The following CAPZA1 variants were observed in gnomAD, a reference collection of about 807,000 sequenced individuals.
CAPZA1 encodes the protein F-actin-capping protein subunit alpha-1.
In CAPZA1, 10 loss-of-function variants were observed where a neutral mutation model predicts 40.8. The observed-to-expected ratio is 0.25, with a 90% CI of 0.15 to 0.42. The LOEUF is 0.42. Among genes scored for constraint, CAPZA1 ranks in the 10% least tolerant of loss-of-function variants. CAPZA1 has a pLI of 1.00. For missense variants in CAPZA1, 277 were observed against 353.8 expected (o/e 0.78, Z 1.74); for synonymous variants, 98 against 115.0 (o/e 0.85, Z 0.95).
chr1:112,636,118 T>A (rs1416725065), intron 1 of CAPZA1, among the ~76,000 whole-genome samples: 1 of 152,252 alleles, frequency 6.6e-6, no homozygotes, highest in Non-Finnish European at 1.5e-5. Context: ...TCTAATAAGC[T>A]ACAGTTTTAT....
intron 7 of CAPZA1, among the ~76,000 whole-genome samples, chr1:112,664,755 T>G (rs1192792271): frequency 6.6e-6 from 1 of 152,114 alleles, no homozygotes; most frequent in Non-Finnish European, 1.5e-5. Flanking sequence ...GCCAACATGG[T>G]GAAACCTCGT....
intron 1 of CAPZA1, among the ~76,000 whole-genome samples, chr1:112,621,246 A>G (rs1316946833): frequency 6.6e-6 from 1 of 152,152 alleles, no homozygotes; most frequent in Non-Finnish European, 1.5e-5. Flanking sequence ...GTTACTATTC[A>G]AATAAAATTA....
chr1:112,627,960 C>CA (rs888885594), intron 1 of CAPZA1, among the ~76,000 whole-genome samples: 128 of 143,754 alleles, frequency 8.9e-4, no homozygotes, highest in East Asian at 6.8e-3. Context: ...AACTCTGTCT[C>CA]AAAAAAAAAA....
chr1:112,649,583 G>T (rs1297228712), intron 3 of CAPZA1, 114 bp downstream of exon 3: 2 of 854,326 alleles, frequency 2.3e-6, no homozygotes, highest in Admixed American at 2.6e-5. Context: ...TAAAGCAGTT[G>T]GTTTTAGCAA....
At position 112,670,223 on chromosome 1, in the gene CAPZA1, A is replaced by G. The variant is rs1250670969; in HGVS notation, c.*91A>G. Reference sequence around the variant, plus strand: ...TAAGTGATTTATAAACAAGAGTGATATTTTGCTAGGGCTTTCAAAGTTAAC... The same window carrying G: ...TAAGTGATTTATAAACAAGAGTGATGTTTTGCTAGGGCTTTCAAAGTTAAC... On this transcript the variant is annotated 3_prime_UTR_variant, in exon 10 of 10. Coordinates refer to ENST00000263168, the MANE Select transcript of CAPZA1 (RefSeq NM_006135.3). 4.7e-6 allele frequency: 7 copies of G among 1,480,760 alleles called. No homozygotes were observed. The highest frequency in any genetic ancestry group is 6.5e-6 in the Non-Finnish European group (7 of 1,075,182). The allele number at this position is 1,480,760 out of a possible 1,614,324, so 91.7% of individuals were successfully genotyped here.
At chr1:112,637,349 T>C (rs948642484) in intron 1 of CAPZA1, among the ~76,000 whole-genome samples, 1 of 152,280 alleles carries the variant, frequency 6.6e-6, no homozygotes, top group African/African-American at 2.4e-5. Context: ...CTGGGTATAC[T>C]GCAGTGAACA....
intron 1 of CAPZA1, chr1:112,626,231 C>T (rs1670803584): frequency 6.6e-6 from 1 of 152,120 alleles, no homozygotes. Flanking sequence ...GCCATGGTGA[C>T]CCTTGCCCTG....
At chr1:112,659,233 TA>T (rs1234987734) in intron 6 of CAPZA1, 132 bp downstream of exon 6, 2 of 663,292 alleles carry the variant, frequency 3.0e-6, no homozygotes, top group Non-Finnish European at 5.4e-6. Flanking sequence ...ATGAGGGATT[TA>T]GATTCCTTAC....
At chr1:112,643,330 T>C (rs1671213862) in intron 1 of CAPZA1, among the ~76,000 whole-genome samples, 1 of 152,206 alleles carries the variant, frequency 6.6e-6, no homozygotes, top group Non-Finnish European at 1.5e-5. Context: ...TAAGGAGCCT[T>C]ATGGAGCATT....
intron 3 of CAPZA1, among the ~76,000 whole-genome samples, chr1:112,651,655 TAG>T (rs1309086661): frequency 2.0e-5 from 3 of 152,218 alleles, no homozygotes; most frequent in African/African-American, 7.2e-5. Flanking sequence ...TGGTAATCTA[TAG>T]TCTTAGGACA....
At chr1:112,640,331 C>G (rs1570709399) in intron 1 of CAPZA1, among the ~76,000 whole-genome samples, 1 of 116,446 alleles carries the variant, frequency 8.6e-6, no homozygotes, top group African/African-American at 3.4e-5. Flanking sequence ...GTCAGCCCCC[C>G]GCCCGGCCAG....
intron 5 of CAPZA1, among the ~76,000 whole-genome samples, chr1:112,656,988 C>T (rs1475755103): frequency 6.6e-6 from 1 of 151,002 alleles, no homozygotes; most frequent in African/African-American, 2.4e-5. Flanking sequence ...TGCAACCTCC[C>T]CTTCCTGGGT....
At position 112,669,530 on chromosome 1, in the gene CAPZA1, C is replaced by G; in HGVS notation, c.658-13C>G. 6.3e-7 allele frequency: 1 copy of G among 1,596,624 alleles called. No homozygotes were observed. The highest frequency in any genetic ancestry group is 8.6e-7 in the Non-Finnish European group (1 of 1,165,256). ...AAAAAATCTGATTTTCCCCTTCTTC[C>G]TTCCTTCATTAGAATGAAGCCCAAA... is the stretch of plus-strand genomic sequence containing the variant. On this transcript the variant is annotated splice_polypyrimidine_tract_variant and intron_variant, in intron 8 of 9. Transcript: ENST00000263168.
intron 1 of CAPZA1, among the ~76,000 whole-genome samples, chr1:112,636,499 A>C (rs1390605419): frequency 6.6e-6 from 1 of 152,228 alleles, no homozygotes; most frequent in Non-Finnish European, 1.5e-5. Context: ...AATTATGTAA[A>C]AGCCTCGGAT....
intron 1 of CAPZA1, among the ~76,000 whole-genome samples, chr1:112,627,401 T>G (rs775598531): frequency 6.6e-6 from 1 of 152,022 alleles, no homozygotes; most frequent in Non-Finnish European, 1.5e-5. Context: ...TCCCAGCACT[T>G]TGGGAGGCTG....
Position 112,659,782 on chromosome 1 carries a change from G to T in CAPZA1, c.585+3G>T. 20 of 1,610,336 alleles carry T rather than the reference G, an allele frequency of 1.2e-5. No homozygotes were observed. Among genetic ancestry groups the T allele is most frequent in the Non-Finnish European group, 1.7e-5 (20 of 1,176,976 alleles). On this transcript the variant is annotated splice_donor_region_variant and intron_variant, in intron 7 of 9. Coordinates refer to ENST00000263168, the MANE Select transcript of CAPZA1 (RefSeq NM_006135.3). ...TGGTTGGCGTGCTTAAGATTCAGGT[G>T]AGATTCCAACATGTTTATAGACTTA...
intron 1 of CAPZA1, among the ~76,000 whole-genome samples, chr1:112,637,743 G>C (rs1223679414): frequency 1.3e-5 from 2 of 152,206 alleles, no homozygotes; most frequent in Non-Finnish European, 2.9e-5. Flanking sequence ...GTGAGCTGCT[G>C]TGCTGGGCCC....
At chr1:112,627,300 C>T (rs969599316) in intron 1 of CAPZA1, among the ~76,000 whole-genome samples, 1 of 152,060 alleles carries the variant, frequency 6.6e-6, no homozygotes, top group South Asian at 2.1e-4. Flanking sequence ...AACCTGGATG[C>T]CTTTATAGAC....
chr1:112,667,569 G>A (rs1457455838), intron 8 of CAPZA1, among the ~76,000 whole-genome samples: 2 of 152,168 alleles, frequency 1.3e-5, no homozygotes, highest in Admixed American at 6.5e-5. Flanking sequence ...TCACTCTGTT[G>A]CCTAGGCTGG....
Sources: gnomAD v4.1 joint callset for allele counts (sites outside exome capture counted in the v4.1 genomes callset) on GRCh38, gnomAD v4.1.1 for gene constraint, MANE v1.5 for transcripts, NCBI Gene and HGNC (gene_info 2026-07-23, HGNC 2026-07-21) for gene names.